Variants in INPP4A observed in about 807,000 individuals in gnomAD.
INPP4A encodes inositol polyphosphate-4-phosphatase type I A, also known as inositol polyphosphate-4-phosphatase, type I, 107kD.
A neutral mutation model predicts 119.8 loss-of-function variants in INPP4A; 33 were observed. The observed-to-expected ratio is 0.28, with a 90% CI of 0.21 to 0.37. The LOEUF (loss-of-function observed/expected upper bound fraction) is 0.37, where lower values mean the gene tolerates loss of function less well. Ranked by LOEUF, INPP4A falls within the 10% of genes least tolerant of loss-of-function variation. The probability of loss-of-function intolerance (pLI) is 1.00; values close to 1 mark genes in which losing one functional copy is unlikely to be tolerated. For synonymous variants in INPP4A, 496 were observed against 500.7 expected (o/e 0.99, Z 0.12); for missense variants, 956 against 1,289.9 (o/e 0.74, Z 3.97).
chr2:98,584,763 T>G (rs189539100), intron 24 of INPP4A, among the ~76,000 whole-genome samples: 1 of 152,376 alleles, frequency 6.6e-6, no homozygotes, highest in Non-Finnish European at 1.5e-5. Flanking sequence ...TGGGTTGGTT[T>G]TGGCTTTTTA....
intron 1 of INPP4A, among the ~76,000 whole-genome samples, chr2:98,447,775 A>T (rs910013611): frequency 6.6e-6 from 1 of 152,140 alleles, no homozygotes; most frequent in Non-Finnish European, 1.5e-5. Flanking sequence ...AAAAACAAGG[A>T]TATTCATAAC....
chr2:98,563,270 G>C (rs1163725033), intron 17 of INPP4A, among the ~76,000 whole-genome samples, 195 bp from the exon 18 acceptor site: 1 of 152,208 alleles, frequency 6.6e-6, no homozygotes, highest in Admixed American at 6.5e-5. Context: ...GGTGTTTGAG[G>C]TTGCTGGAAA....
chr2:98,470,582 G>A (rs1016211060), intron 1 of INPP4A, among the ~76,000 whole-genome samples: 1 of 152,224 alleles, frequency 6.6e-6, no homozygotes, highest in Non-Finnish European at 1.5e-5. Context: ...GTGCTGAGTT[G>A]GGTGGTCACT....
At chr2:98,584,356 C>T (rs1699710404) in intron 24 of INPP4A, among the ~76,000 whole-genome samples, 1 of 152,246 alleles carries the variant, frequency 6.6e-6, no homozygotes, top group South Asian at 2.1e-4. Flanking sequence ...CTTACGTGCA[C>T]TCCCACTTCC....
intron 4 of INPP4A, among the ~76,000 whole-genome samples, chr2:98,526,563 G>T (rs1374829567): frequency 6.6e-6 from 1 of 152,090 alleles, no homozygotes; most frequent in Non-Finnish European, 1.5e-5. Flanking sequence ...GAGTATACTG[G>T]CAAAAATGGT....
intron 1 of INPP4A, among the ~76,000 whole-genome samples, chr2:98,447,346 G>A (rs755052242): frequency 2.7e-5 from 4 of 148,670 alleles, no homozygotes; most frequent in Non-Finnish European, 5.9e-5. Flanking sequence ...AGCTGGTCTT[G>A]AGAGAGCCTT....
intron 16 of INPP4A, among the ~76,000 whole-genome samples, chr2:98,559,211 T>C (rs533761049): frequency 6.6e-6 from 1 of 152,376 alleles, no homozygotes; most frequent in Admixed American, 6.5e-5. Flanking sequence ...TGTTGAACTA[T>C]TGGCAACATG....
At chr2:98,586,712 C>T (rs115347429) in intron 24 of INPP4A, among the ~76,000 whole-genome samples, 6 of 152,296 alleles carry the variant, frequency 3.9e-5, no homozygotes, top group East Asian at 1.9e-4. Context: ...CTGAGGATGA[C>T]GCTGGTAGTG....
At chr2:98,550,742 TGTATATCCCATGCATAAGTCCCAG>T (rs1438396666) in intron 13 of INPP4A, among the ~76,000 whole-genome samples, 1 of 152,210 alleles carries the variant, frequency 6.6e-6, no homozygotes, top group African/African-American at 2.4e-5. Context: ...GCCCCTGCCA[TGTATATCCCATGCATAAGTCCCAG>T]GTATCATCAT....
Position 98,513,635 on chromosome 2 carries a change from G to A in INPP4A, c.-165-5329G>A, listed in dbSNP as rs530566542. 4.6e-5 allele frequency among the ~76,000 whole-genome samples: 7 copies of A among 152,372 alleles called. No individual in the cohort carries two copies. The East Asian group carries it at 1.2e-3, about 25-fold the overall frequency. ...CTGAGCGGATGCTTGGGAGCAGAAT[G>A]TGAGCTGTTGTGGCAAGCCTGCACA... On this transcript the variant is annotated intron_variant, in intron 1 of 24. Coordinates refer to ENST00000409851, the MANE Select transcript of INPP4A (RefSeq NM_001134225.2).
At chr2:98,584,853 T>C (rs970821006) in intron 24 of INPP4A, among the ~76,000 whole-genome samples, 1 of 152,250 alleles carries the variant, frequency 6.6e-6, no homozygotes, top group South Asian at 2.1e-4. Flanking sequence ...CTTTTACTCA[T>C]GAAATCAGGC....
intron 1 of INPP4A, among the ~76,000 whole-genome samples, chr2:98,497,593 G>A (rs1682272085): frequency 6.6e-6 from 1 of 152,234 alleles, no homozygotes; most frequent in Non-Finnish European, 1.5e-5. Context: ...TTTTAAATTG[G>A]ATTATTTGTT....
intron 24 of INPP4A, among the ~76,000 whole-genome samples, chr2:98,578,122 T>G (rs1698729875): frequency 6.6e-6 from 1 of 152,210 alleles, no homozygotes; most frequent in Admixed American, 6.5e-5. Context: ...AACCTCTCTG[T>G]TAAAGCTCGC....
intron 4 of INPP4A, among the ~76,000 whole-genome samples, chr2:98,531,546 C>G (rs1253905720): frequency 6.6e-6 from 1 of 152,062 alleles, no homozygotes; most frequent in Non-Finnish European, 1.5e-5. Context: ...ACAAATGTAC[C>G]TAGGCACATC....
rs1047290828 is a variant in INPP4A, at chr2:98,450,637, T to A, written c.-166+5552T>A. ...TGTTGGGGGATTAAATGAATTAACA[T>A]TTAATCCTGGTGCCTAGTAAGTGTG... On this transcript the variant is annotated intron_variant, in intron 1 of 24. Coordinates refer to ENST00000409851, the MANE Select transcript of INPP4A (RefSeq NM_001134225.2). Among the ~76,000 whole-genome samples the A allele has an allele frequency of 2.0e-5, 3 of 152,188 alleles. No homozygotes were observed. In the East Asian group the frequency reaches 5.8e-4, roughly 29 times the overall value.
intron 1 of INPP4A, among the ~76,000 whole-genome samples, chr2:98,494,589 A>G (rs925106708): frequency 5.3e-5 from 8 of 152,108 alleles, no homozygotes; most frequent in African/African-American, 1.9e-4. Flanking sequence ...CTTTGTTTAT[A>G]AAAGTGTAGG....
intron 1 of INPP4A, among the ~76,000 whole-genome samples, chr2:98,473,329 A>C (rs571924950): frequency 1.4e-3 from 197 of 142,452 alleles, no homozygotes; most frequent in Non-Finnish European, 2.0e-3. Flanking sequence ...GAGAGTGAGG[A>C]GGGCAGTGTG....
rs1285117629 is a variant in INPP4A at position 98,543,928 on chromosome 2, C to A, written c.870C>A (p.Leu290=). 2 of 1,610,348 alleles carry A rather than the reference C, an allele frequency of 1.2e-6. No individual in the cohort carries two copies. The highest frequency in any genetic ancestry group is 1.7e-6 in the Non-Finnish European group (2 of 1,178,230). ...LGELSPCWES[L]RRQIVTQYQT... ...AGCTGTCCCCTTGCTGGGAGAGCCTCCGGCGCCAAATTGTCACCCAGTACC... is the reference window on the plus strand; with the variant it reads ...AGCTGTCCCCTTGCTGGGAGAGCCTACGGCGCCAAATTGTCACCCAGTACC... The change falls in exon 11 of 25, where the codon CTC becomes CTA. Residue 290 remains leucine (L), a synonymous_variant. Coordinates refer to ENST00000409851, the MANE Select transcript of INPP4A (RefSeq NM_001134225.2).
At position 98,539,038 on chromosome 2, in the gene INPP4A, C is replaced by G. The variant is rs187599674; in HGVS notation, c.670+57C>G. 11 of 1,007,312 alleles carry G rather than the reference C, an allele frequency of 1.1e-5. No individual in the cohort carries two copies. The African/African-American group carries it at 1.4e-4, about 13-fold the overall frequency. 62.4% of individuals were successfully genotyped at this position (1,007,312 alleles called of 1,614,324 possible). ...TCTCTAGTGAGTATCCACTTGGGCC[C>G]GCAGTCCCCTTTGCTCCCCACCTGC... On this transcript the variant is annotated intron_variant, in intron 9 of 24. Transcript: ENST00000409851.
Sources: allele counts gnomAD v4.1 joint callset (sites outside exome capture counted in the v4.1 genomes callset), GRCh38; gene constraint gnomAD v4.1.1; transcripts MANE v1.5; gene names NCBI Gene and HGNC (gene_info 2026-07-23, HGNC 2026-07-21).